Variants in LIMCH1 observed in about 807,000 individuals in gnomAD.
LIMCH1 encodes the protein LIM and calponin homology domains-containing protein 1.
In LIMCH1, 113 loss-of-function variants were observed where a neutral mutation model predicts 176.5. The ratio of observed to expected loss-of-function variants is 0.64; its 90% CI spans 0.55 to 0.75. The LOEUF is 0.75. LIMCH1 is among the 30% of genes least tolerant of loss of function. The pLI is 0.00. For synonymous variants in LIMCH1, 619 were observed against 645.9 expected, an observed-to-expected ratio of 0.96 and a Z score of 0.63; for missense variants, 1,674 against 1,814.9, an observed-to-expected ratio of 0.92 and a Z score of 1.41.
chr4:41,589,255 T>C (rs2087041352), intron 1 of LIMCH1, among the ~76,000 whole-genome samples: 1 of 152,064 alleles, frequency 6.6e-6, no homozygotes, highest in African/African-American at 2.4e-5. Context: ...TCCCAGTTAT[T>C]GTTGTTCTAG....
chr4:41,686,167 G>GA (rs962996184), intron 28 of LIMCH1, among the ~76,000 whole-genome samples: 64 of 151,970 alleles, frequency 4.2e-4, no homozygotes, highest in African/African-American at 1.4e-3. Flanking sequence ...TTCGTTCAAG[G>GA]AAAAAAATGT....
At chr4:41,625,908 C>T (rs1019602978) in intron 7 of LIMCH1, among the ~76,000 whole-genome samples, 1 of 152,092 alleles carries the variant, frequency 6.6e-6, no homozygotes, top group African/African-American at 2.4e-5. Context: ...AAGAATGTTG[C>T]TCTTGGACTT....
At position 41,698,527 on chromosome 4, in the gene LIMCH1, G is replaced by A. The variant is rs1029552773; in HGVS notation, c.*1342G>A. 7 of 152,534 alleles carry A rather than the reference G, an allele frequency of 4.6e-5. No homozygotes were observed. Among genetic ancestry groups the A allele is most frequent in the African/African-American group, 1.4e-4 (6 of 41,416 alleles). The allele number at this position is 152,534 out of a possible 1,614,324, so 9.4% of individuals were successfully genotyped here. On this transcript the variant is annotated 3_prime_UTR_variant, in exon 32 of 32. Coordinates refer to ENST00000503057, the MANE Select transcript of LIMCH1 (RefSeq NM_001330672.2). Reference sequence around the variant, plus strand: ...TTTTTGTTGTTAAGACTGGGGAAAGGGGGACTATTTATTCTGCCTTAAATC... The same window carrying A: ...TTTTTGTTGTTAAGACTGGGGAAAGAGGGACTATTTATTCTGCCTTAAATC...
In LIMCH1 at chr4:41,479,220, G is replaced by A. The variant is rs182450615; in HGVS notation, c.97-15316G>A. ...TTTAGTATGCATCTCCAAAGTGCAA[G>A]ACCATTCCTTTATATAACCACCATG... On this transcript the variant is annotated intron_variant, in intron 1 of 26. Transcript: ENST00000313860. 3.3e-5 allele frequency among the ~76,000 whole-genome samples: 5 copies of A among 152,230 alleles called. No individual in the cohort carries two copies. In the East Asian group the frequency reaches 7.7e-4, roughly 23 times the overall value.
intron 1 of LIMCH1, among the ~76,000 whole-genome samples, chr4:41,384,182 AG>A (rs2056134253): frequency 6.7e-6 from 1 of 150,088 alleles, no homozygotes; most frequent in Admixed American, 6.6e-5. Flanking sequence ...TTAGACAGTG[AG>A]GGGTCCTTCA....
chr4:41,601,163 C>A (rs2089853488), intron 2 of LIMCH1, among the ~76,000 whole-genome samples: 1 of 152,140 alleles, frequency 6.6e-6, no homozygotes, highest in East Asian at 1.9e-4. Flanking sequence ...GTGTTAGATA[C>A]TTTTCATCAC....
At chr4:41,452,773 C>T (rs998692846) in intron 1 of LIMCH1, among the ~76,000 whole-genome samples, 13 of 152,162 alleles carry the variant, frequency 8.5e-5, no homozygotes, top group African/African-American at 2.2e-4. Context: ...AATCAGATGG[C>T]TCTTCCTTTT....
chr4:41,524,816 C>A (rs899911867), intron 3 of LIMCH1, among the ~76,000 whole-genome samples: 1 of 152,130 alleles, frequency 6.6e-6, no homozygotes, highest in African/African-American at 2.4e-5. Flanking sequence ...TCACTGCATT[C>A]CCCTAGAATG....
intron 5 of LIMCH1, among the ~76,000 whole-genome samples, chr4:41,617,484 C>A (rs1198929945): frequency 1.3e-5 from 2 of 152,092 alleles, no homozygotes; most frequent in Non-Finnish European, 2.9e-5. Context: ...GTTTATAAAG[C>A]AATTCACAGG....
At chr4:41,614,621 CTATT>C (rs1192609613) in intron 5 of LIMCH1, among the ~76,000 whole-genome samples, 3 of 152,158 alleles carry the variant, frequency 2.0e-5, no homozygotes, top group African/African-American at 7.2e-5. Flanking sequence ...AAATACTTGA[CTATT>C]TAATGTGTCC....
chr4:41,647,784 T>C (rs904644242), intron 17 of LIMCH1, among the ~76,000 whole-genome samples: 2 of 152,258 alleles, frequency 1.3e-5, no homozygotes, highest in African/African-American at 4.8e-5. Context: ...AACCACACTT[T>C]CTGACTTTTG....
intron 13 of LIMCH1, among the ~76,000 whole-genome samples, chr4:41,634,086 T>A (rs907708778): frequency 6.6e-6 from 1 of 152,230 alleles, no homozygotes; most frequent in Admixed American, 6.5e-5. Context: ...CATAGGAGCC[T>A]TTGGGCAAAG....
intron 1 of LIMCH1, among the ~76,000 whole-genome samples, chr4:41,489,157 C>T (rs2070271158): frequency 1.3e-5 from 2 of 151,992 alleles, no homozygotes; most frequent in Admixed American, 1.3e-4. Context: ...TAATTTCTGC[C>T]TTCTTTCTTT....
chr4:41,363,810 G>T (rs1392257009), intron 1 of LIMCH1, among the ~76,000 whole-genome samples: 1 of 152,160 alleles, frequency 6.6e-6, no homozygotes, highest in Non-Finnish European at 1.5e-5. Context: ...CACTCCTAGT[G>T]ACTTTTTATA....
intron 1 of LIMCH1, among the ~76,000 whole-genome samples, chr4:41,401,626 A>G (rs2058451372): frequency 1.3e-5 from 2 of 151,064 alleles, no homozygotes; most frequent in Admixed American, 1.3e-4. Flanking sequence ...CTTGGGCAGT[A>G]TGGCCATTTT....
At chr4:41,596,637 C>G (rs1301943902) in intron 1 of LIMCH1, among the ~76,000 whole-genome samples, 5 of 152,212 alleles carry the variant, frequency 3.3e-5, no homozygotes, top group Non-Finnish European at 7.3e-5. Flanking sequence ...TCCTTGCTTT[C>G]TTTCCCTTTC....
chr4:41,448,180 C>T (rs915061466), intron 1 of LIMCH1, among the ~76,000 whole-genome samples: 3 of 152,212 alleles, frequency 2.0e-5, no homozygotes, highest in Non-Finnish European at 4.4e-5. Flanking sequence ...ATTGCTCTCT[C>T]TTGTGTGTCT....
chr4:41,461,497 G>C (rs2065368654), intron 1 of LIMCH1, among the ~76,000 whole-genome samples: 1 of 152,136 alleles, frequency 6.6e-6, no homozygotes, highest in Admixed American at 6.5e-5. Flanking sequence ...AGAAGCTGAG[G>C]GTCCGTGGTC....
upstream of LIMCH1, among the ~76,000 whole-genome samples, chr4:41,536,447 A>G (rs2077959440): frequency 6.6e-6 from 1 of 152,218 alleles, no homozygotes; most frequent in Admixed American, 6.5e-5. Context: ...TGTCCACAGT[A>G]TAAAATACTA....
Sources: gnomAD v4.1 joint callset for allele counts (sites outside exome capture counted in the v4.1 genomes callset) on GRCh38, gnomAD v4.1.1 for gene constraint, MANE v1.5 for transcripts, NCBI Gene and HGNC (gene_info 2026-07-23, HGNC 2026-07-21) for gene names.